Variants in TNK2 observed in about 807,000 individuals in gnomAD.
The protein encoded by TNK2 is activated CDC42 kinase 1.
Under a neutral mutation model 101.8 loss-of-function variants are expected in TNK2, and 83 were observed. The ratio of observed to expected loss-of-function variants is 0.82; its 90% CI spans 0.68 to 0.98. The LOEUF (loss-of-function observed/expected upper bound fraction) is 0.98. Ranked by LOEUF, TNK2 falls within the 50% of genes least tolerant of loss-of-function variation. TNK2 has a pLI of 0.00. For missense variants in TNK2, 1,665 were observed against 1,483.2 expected, an observed-to-expected ratio of 1.12 and a Z score of -2.01; for synonymous variants, 804 against 633.0, an observed-to-expected ratio of 1.27 and a Z score of -4.06.
rs771045180 is a variant in TNK2 at position 195,888,526 on chromosome 3, C to A, written c.63G>T (p.Gln21His). ...LELLSEVQLQ[Q>H]YFLRLRDDLN... ...GGTCATCTCGGAGCCGCAGGAAGTA[C>A]TGTTGCAGCTGCACCTCGGACAGCA... is the stretch of plus-strand genomic sequence containing the variant. The change falls in exon 2 of 16, where the codon CAG (glutamine) becomes CAT (histidine). Residue 21 changes from glutamine to histidine, a missense_variant. This residue lies in a region of TNK2 where 490 missense variants were observed against 522.5 expected (regional missense o/e 0.94). Coordinates refer to ENST00000672887, the MANE Select transcript of TNK2 (RefSeq NM_001382273.1). The surrounding 1 kb of genome is among the most constrained non-coding windows in gnomAD (Gnocchi z 5.3). The A allele has an allele frequency of 1.2e-6, 2 of 1,613,468 alleles. No homozygotes were observed. The highest frequency in any genetic ancestry group is 1.7e-6 in the Non-Finnish European group (2 of 1,179,998).
Position 195,878,209 on chromosome 3 carries a change from C to T in TNK2, c.1256+44G>A. On this transcript the variant is annotated intron_variant, in intron 9 of 15. Coordinates refer to ENST00000672887, the MANE Select transcript of TNK2 (RefSeq NM_001382273.1). The surrounding 1 kb of genome is among the most constrained non-coding windows in gnomAD (Gnocchi z 4.7). Reference sequence around the variant, plus strand: ...GTCCACAGGTCCCTCCGACCTGTGCCCTTCAAGCGATCCCAGGGCGGGGCC... The same window carrying T: ...GTCCACAGGTCCCTCCGACCTGTGCTCTTCAAGCGATCCCAGGGCGGGGCC... 1 of 1,596,684 alleles carries T rather than the reference C, an allele frequency of 6.3e-7. No homozygotes were observed.
chr3:195,887,916 GCGTGCGTGCA>G (rs1310575390), intron 2 of TNK2, among the ~76,000 whole-genome samples: 40 of 147,954 alleles, frequency 2.7e-4, no homozygotes, highest in Admixed American at 1.4e-3. Flanking sequence ...GCACGTGCAT[GCGTGCGTGCA>G]CGTGTGTGCG....
At chr3:195,892,020 G>A in intron 1 of TNK2, 1 of 1,025,848 alleles carries the variant, frequency 9.7e-7, no homozygotes, top group Non-Finnish European at 1.2e-6. Flanking sequence ...GGTGAGGCAA[G>A]CGGTCAGGGT....
intron 14 of TNK2, 33 bp downstream of exon 14, chr3:195,867,136 C>G: frequency 1.2e-6 from 2 of 1,611,090 alleles, no homozygotes; most frequent in Non-Finnish European, 1.7e-6. Context: ...TTCAGGGTCC[C>G]TGAGAGCCAG....
At chr3:195,898,525 A>G (rs1760882462) in intron 1 of TNK2, among the ~76,000 whole-genome samples, 1 of 151,998 alleles carries the variant, frequency 6.6e-6, no homozygotes, top group Admixed American at 6.6e-5. Flanking sequence ...TGCACTCCTC[A>G]CCTAGTTCCC....
At chr3:195,865,751 G>A (rs930001799) in intron 15 of TNK2, among the ~76,000 whole-genome samples, 2 of 151,608 alleles carry the variant, frequency 1.3e-5, no homozygotes, top group African/African-American at 2.4e-5. Context: ...CATCCCAGCT[G>A]CAAATCAGTA....
chr3:195,869,559 C>T lies in TNK2; in HGVS notation c.1544-18G>A, dbSNP rs570836916. ...AGGCTCCCCTGCAAGAAAGGCCATG[C>T]GGACAGGGGGAGAGAGACGGAGCAG... On this transcript the variant is annotated intron_variant, in intron 11 of 15. Transcript: ENST00000672887. 6.4e-6 allele frequency: 10 copies of T among 1,551,096 alleles called. No homozygotes were observed. The highest frequency in any genetic ancestry group is 3.9e-5 in the Admixed American group (2 of 50,984).
intron 1 of TNK2, chr3:195,895,308 A>C: frequency 6.3e-7 from 1 of 1,575,522 alleles, no homozygotes; most frequent in Admixed American, 1.8e-5. Context: ...ATGGAGCCCC[A>C]AATCCCAGCG....
At chr3:195,869,783 C>T (rs558391958) in intron 11 of TNK2, 29 of 593,124 alleles carry the variant, frequency 4.9e-5, no homozygotes, top group African/African-American at 3.0e-4. Context: ...GAGCCGGAGC[C>T]GTGGGGTGGT....
At chr3:195,897,831 C>T (rs1351585967) in intron 1 of TNK2, among the ~76,000 whole-genome samples, 1 of 137,384 alleles carries the variant, frequency 7.3e-6, no homozygotes, top group East Asian at 2.4e-4. Context: ...CCCCCCCCAC[C>T]CCCCGCCCCC....
chr3:195,888,573 C>T lies in TNK2; in HGVS notation c.16G>A (p.Gly6Ser). The T allele has an allele frequency of 1.2e-6, 2 of 1,611,832 alleles. No homozygotes were observed. The highest frequency in any genetic ancestry group is 2.2e-5 in the South Asian group (2 of 90,978). MQPEE[G>S]TGWLLELLSE... ...AGCAGCTCCAGCAGCCAGCCTGTGC[C>T]CTCCTCTGGCTGCATTCTGCCGCCT... The change falls in exon 2 of 16, where the codon GGC becomes AGC. Residue 6 changes from glycine (G) to serine (S), a missense_variant. By Grantham distance (56) the Gly-to-Ser change is moderately conservative (BLOSUM62 0). This residue lies in a region of TNK2 where 490 missense variants were observed against 522.5 expected (regional missense o/e 0.94). Transcript: ENST00000672887. The surrounding 1 kb of genome is among the most constrained non-coding windows in gnomAD (Gnocchi z 5.3).
chr3:195,887,555 T>C lies in TNK2; in HGVS notation c.164-508A>G, dbSNP rs958935655. The stretch of plus-strand genomic sequence containing the variant: ...CACATTATTACCTATTTAGCTATTT[T>C]AACTAAGTCAGTGTCTAACTTGACA... On this transcript the variant is annotated intron_variant, in intron 2 of 15. Coordinates refer to ENST00000672887, the MANE Select transcript of TNK2 (RefSeq NM_001382273.1). Among the ~76,000 whole-genome samples the C allele has an allele frequency of 3.9e-4, 60 of 152,356 alleles. 1 individual carries two copies. Among genetic ancestry groups the C allele is most frequent in the African/African-American group, 1.4e-3 (57 of 41,572 alleles).
In TNK2 at chr3:195,882,617, G is replaced by A; in HGVS notation, c.610-289C>T. The A allele has an allele frequency of 8.5e-7, 1 of 1,173,402 alleles. No homozygotes were observed. The highest frequency in any genetic ancestry group is 3.5e-5 in the East Asian group (1 of 28,206). 72.7% of individuals were successfully genotyped at this position (1,173,402 alleles called of 1,614,324 possible). On this transcript the variant is annotated intron_variant, in intron 5 of 15. Coordinates refer to ENST00000672887, the MANE Select transcript of TNK2 (RefSeq NM_001382273.1). This position sits in a 1 kb window ranked among gnomAD's most constrained non-coding sequence, Gnocchi z 4.2. Reference sequence around the variant, plus strand: ...TCACGCCTGTAATCCCAGCACTTTGGGAGGCCGAGGTGGGTGGATCATTTG... The same window carrying A: ...TCACGCCTGTAATCCCAGCACTTTGAGAGGCCGAGGTGGGTGGATCATTTG...
At chr3:195,873,406 G>C (rs1746823605) in intron 9 of TNK2, among the ~76,000 whole-genome samples, 2 of 152,068 alleles carry the variant, frequency 1.3e-5, no homozygotes, top group African/African-American at 4.8e-5. Context: ...GATGCCGTGA[G>C]CAGAGTCTGG....
rs570667647 is a variant in TNK2, at chr3:195,886,947, T to TCCCACCTCCTCA, written c.234+18_234+29dup. On this transcript the variant is annotated intron_variant, in intron 3 of 15. Transcript: ENST00000672887. This position sits in a 1 kb window ranked among gnomAD's most constrained non-coding sequence, Gnocchi z 4.2. ...AGGGGGGCGTTCGAGGCTGCCCCCC[T>TCCCACCTCCTCA]CCCACCTCCTCACCCACCTCCTCAC... 7.6e-5 allele frequency: 92 copies of TCCCACCTCCTCA among 1,204,840 alleles called. No homozygotes were observed. In the African/African-American group the frequency reaches 1.0e-3, roughly 14 times the overall value. 74.6% of individuals were successfully genotyped at this position (1,204,840 alleles called of 1,614,324 possible). A position where few individuals can be genotyped will look rare whatever the true frequency, so the allele number is the denominator to read the frequency against.
intron 1 of TNK2, among the ~76,000 whole-genome samples, chr3:195,905,194 A>G (rs1761599760): frequency 6.6e-6 from 1 of 152,048 alleles, no homozygotes; most frequent in African/African-American, 2.4e-5. Context: ...CACACAAACA[A>G]TTGATTTTTT....
Position 195,868,729 on chromosome 3 carries a change from C to T in TNK2, c.1589-20G>A, listed in dbSNP as rs1742656346. ...TTGGTTCTGTGATGGAAAGGGAGAG[C>T]CCAACAGGAAGGCAGTCAGGCAGGG... On this transcript the variant is annotated intron_variant, in intron 12 of 15. Coordinates refer to ENST00000672887, the MANE Select transcript of TNK2 (RefSeq NM_001382273.1). 3 of 1,529,304 alleles carry T rather than the reference C, an allele frequency of 2.0e-6. No individual in the cohort carries two copies. The highest frequency in any genetic ancestry group is 2.1e-5 in the Admixed American group (1 of 48,280). 94.7% of individuals were successfully genotyped at this position (1,529,304 alleles called of 1,614,324 possible).
At chr3:195,889,490 C>T (rs568760658) in intron 1 of TNK2, among the ~76,000 whole-genome samples, 2 of 151,672 alleles carry the variant, frequency 1.3e-5, no homozygotes, top group Non-Finnish European at 2.9e-5. Context: ...ATGTCTTCTG[C>T]GGACGCTTCA....
intron 1 of TNK2, chr3:195,896,630 G>A (rs1760567252): frequency 6.4e-6 from 1 of 155,472 alleles, no homozygotes; most frequent in Admixed American, 6.3e-5. Context: ...CTGGATAAAG[G>A]ATCTGATCCA....
Sources: allele counts gnomAD v4.1 joint callset (sites outside exome capture counted in the v4.1 genomes callset), GRCh38; gene constraint gnomAD v4.1.1; regional missense constraint gnomAD v4.1.1; non-coding constraint Gnocchi (gnomAD v3.1); transcripts MANE v1.5; gene names NCBI Gene and HGNC (gene_info 2026-07-23, HGNC 2026-07-21).